RNF43: variants seen among roughly 807,000 people sequenced by gnomAD.
RNF43 encodes ring finger protein 43, also known as E3 ubiquitin-protein ligase RNF43.
A neutral mutation model predicts 78.4 loss-of-function variants in RNF43; 37 were observed. That is an observed-to-expected ratio of 0.47 (90% confidence interval 0.36 to 0.62). The LOEUF (loss-of-function observed/expected upper bound fraction) is 0.62. Ranked by LOEUF, RNF43 falls within the 20% of genes least tolerant of loss-of-function variation. RNF43 has a pLI of 0.00. For missense variants in RNF43, 774 were observed against 1,007.9 expected (o/e 0.77, Z 3.14); for synonymous variants, 347 against 395.0 (o/e 0.88, Z 1.44).
At chr17:58,374,402 T>A (rs1391860987) in intron 2 of RNF43, among the ~76,000 whole-genome samples, 1 of 151,428 alleles carries the variant, frequency 6.6e-6, no homozygotes, top group African/African-American at 2.4e-5. Context: ...TTCTTTTTTT[T>A]TTTTTTTTGA....
Position 58,358,351 on chromosome 17 carries a change from G to A in RNF43, c.1425C>T (p.Ser475=), listed in dbSNP as rs2143412663. 6.2e-7 allele frequency: 1 copy of A among 1,614,164 alleles called. No individual in the cohort carries two copies. Among genetic ancestry groups the A allele is most frequent in the Non-Finnish European group, 8.5e-7 (1 of 1,180,024 alleles). Residue 475 remains serine, a synonymous_variant, in exon 9 of 10, where the codon TCC becomes TCT. Transcript: ENST00000407977. This position sits in a 1 kb window ranked among gnomAD's most constrained non-coding sequence, Gnocchi z 6.2. ...CCGTGCAGTTGACCACAGAGTCACT[G>A]GAAGAGCCATGACAGGGCCCTGAGC... ...DSSSGPCHGS[S]SDSVVNCTDI...
chr17:58,366,598 C>T (rs1735913391), intron 3 of RNF43, among the ~76,000 whole-genome samples: 1 of 152,168 alleles, frequency 6.6e-6, no homozygotes, highest in South Asian at 2.1e-4. Flanking sequence ...GCCCAGATTG[C>T]CTAGGGGTGA....
rs550613261 is a variant in RNF43 at position 58,415,205 on chromosome 17, C to CT, written c.252+120dup. 207 of 1,036,716 alleles carry CT rather than the reference C, an allele frequency of 2.0e-4. No homozygotes were observed. In the African/African-American group the frequency reaches 2.9e-3, roughly 15 times the overall value. 64.2% of individuals were successfully genotyped at this position (1,036,716 alleles called of 1,614,324 possible). ...GAATGCCAATAAGGCAGTATCTACT[C>CT]TTTCTATGAAATAGAAAGCTAAGCA... On this transcript the variant is annotated intron_variant, in intron 2 of 9. Coordinates refer to ENST00000407977, the MANE Select transcript of RNF43 (RefSeq NM_017763.6).
intron 2 of RNF43, among the ~76,000 whole-genome samples, chr17:58,379,499 C>T (rs1262099010): frequency 6.6e-6 from 1 of 152,190 alleles, no homozygotes; most frequent in Non-Finnish European, 1.5e-5. Context: ...GTCATTCAGC[C>T]AGACTGCCAT....
Position 58,355,000 on chromosome 17 carries a change from G to T in RNF43, c.2309-14C>A. 6.2e-7 allele frequency: 1 copy of T among 1,613,378 alleles called. No homozygotes were observed. Among genetic ancestry groups the T allele is most frequent in the South Asian group, 1.1e-5 (1 of 91,050 alleles). ...CCTCCTCTGAGCCTGTATTTAGAGAGCGGGGAGGAAAGAGGTCATTGAGGG... is the reference window on the plus strand; with the variant it reads ...CCTCCTCTGAGCCTGTATTTAGAGATCGGGGAGGAAAGAGGTCATTGAGGG... On this transcript the variant is annotated splice_polypyrimidine_tract_variant and intron_variant, in intron 9 of 9. Coordinates refer to ENST00000407977, the MANE Select transcript of RNF43 (RefSeq NM_017763.6).
At chr17:58,375,891 C>G (rs985152973) in intron 2 of RNF43, among the ~76,000 whole-genome samples, 1 of 152,186 alleles carries the variant, frequency 6.6e-6, no homozygotes, top group Non-Finnish European at 1.5e-5. Flanking sequence ...TTGCCAAAAG[C>G]AAATGTTGTT....
intron 2 of RNF43, among the ~76,000 whole-genome samples, chr17:58,394,168 A>G (rs1256131785): frequency 6.6e-6 from 1 of 152,242 alleles, no homozygotes; most frequent in African/African-American, 2.4e-5. Context: ...ACAAGAGTTC[A>G]GTTTGATTTT....
chr17:58,384,840 T>G (rs1473340020), intron 2 of RNF43, among the ~76,000 whole-genome samples: 1 of 152,226 alleles, frequency 6.6e-6, no homozygotes, highest in Non-Finnish European at 1.5e-5. Context: ...AGAGCTCTCA[T>G]TAGCTTAAAT....
intron 2 of RNF43, among the ~76,000 whole-genome samples, chr17:58,400,020 C>G (rs1973762399): frequency 6.6e-6 from 1 of 152,054 alleles, no homozygotes. Flanking sequence ...TTCTAGGATC[C>G]CTCAGACTCT....
intron 2 of RNF43, among the ~76,000 whole-genome samples, chr17:58,371,748 G>A (rs535492702): frequency 3.9e-5 from 6 of 152,318 alleles, no homozygotes; most frequent in African/African-American, 1.4e-4. Flanking sequence ...TGGAGGTGGA[G>A]CCAGCCCAGC....
intron 2 of RNF43, among the ~76,000 whole-genome samples, chr17:58,378,720 TC>T (rs1352744293): frequency 6.6e-6 from 1 of 152,150 alleles, no homozygotes; most frequent in Non-Finnish European, 1.5e-5. Flanking sequence ...CTCACTTGAT[TC>T]AGGAAACCTC....
chr17:58,362,558 G>T lies in RNF43; in HGVS notation c.673C>A (p.Arg225Ser), dbSNP rs765548407. The change falls in exon 6 of 10, where the codon CGC (arginine) becomes AGC (serine). Residue 225 changes from arginine (R) to serine (S), a missense_variant. Arg to Ser is a moderately radical substitution (Grantham distance 110, BLOSUM62 -1). Coordinates refer to ENST00000407977, the MANE Select transcript of RNF43 (RefSeq NM_017763.6). ...ASVLRIRCRP[R>S]HSRPDPLQQR... ...ACACTGCTCACCGGCCTGCTGTGGCGGGGGCGGCACCGGATGCGCAGCACC... is the reference window on the plus strand; with the variant it reads ...ACACTGCTCACCGGCCTGCTGTGGCTGGGGCGGCACCGGATGCGCAGCACC... The T allele has an allele frequency of 6.2e-7, 1 of 1,605,678 alleles. No individual in the cohort carries two copies. Among genetic ancestry groups the T allele is most frequent in the Non-Finnish European group, 8.5e-7 (1 of 1,175,494 alleles).
chr17:58,405,038 T>C (rs1048395369), intron 2 of RNF43, among the ~76,000 whole-genome samples: 1 of 150,224 alleles, frequency 6.7e-6, no homozygotes, highest in African/African-American at 2.4e-5. Flanking sequence ...ACAGTAAAAA[T>C]TTAGAAGGTA....
In RNF43 at chr17:58,357,928, G is replaced by A. The variant is rs771198512; in HGVS notation, c.1848C>T (p.Pro616=). 4 of 1,613,336 alleles carry A rather than the reference G, an allele frequency of 2.5e-6. No individual in the cohort carries two copies. The South Asian group carries it at 4.4e-5, about 18-fold the overall frequency. ...PSGRLSNPQC[P]RALPEPAPGP... ...CAGGGGCTGGCTCAGGGAGGGCCCT[G>A]GGGCACTGTGGGTTAGAGAGCCGCC... The change falls in exon 9 of 10, where the codon CCC becomes CCT. Residue 616 remains proline (P), a synonymous_variant. Transcript: ENST00000407977. This position sits in a 1 kb window ranked among gnomAD's most constrained non-coding sequence, Gnocchi z 4.5.
At chr17:58,404,602 A>G (rs1567895798) in intron 2 of RNF43, among the ~76,000 whole-genome samples, 1 of 152,216 alleles carries the variant, frequency 6.6e-6, no homozygotes, top group Non-Finnish European at 1.5e-5. Flanking sequence ...TATATGCCTC[A>G]TATCATACTA....
intron 2 of RNF43, among the ~76,000 whole-genome samples, chr17:58,406,992 C>T (rs1448748818): frequency 6.7e-6 from 1 of 148,764 alleles, no homozygotes; most frequent in Non-Finnish European, 1.5e-5. Context: ...ACAGGGTATT[C>T]TAGATTTAAA....
chr17:58,371,082 T>A (rs1489493838), intron 2 of RNF43, 49 bp from the exon 3 acceptor site: 4 of 1,508,626 alleles, frequency 2.7e-6, no homozygotes, highest in Non-Finnish European at 3.6e-6. Flanking sequence ...GCAGCAGGAG[T>A]GAGCTGTGAG....
At chr17:58,398,206 G>A (rs1973724423) in intron 2 of RNF43, among the ~76,000 whole-genome samples, 1 of 152,132 alleles carries the variant, frequency 6.6e-6, no homozygotes, top group South Asian at 2.1e-4. Flanking sequence ...CTGTACTGTT[G>A]AAATCCTTTC....
In RNF43 at chr17:58,357,104, G is replaced by A. The variant is rs1394863173; in HGVS notation, c.2308+364C>T. ...AGATAGGGTTTCACCATGTTGGCCA[G>A]GTTGGTCTTGAACTCCTGGCCTCAA... On this transcript the variant is annotated intron_variant, in intron 9 of 9. Coordinates refer to ENST00000407977, the MANE Select transcript of RNF43 (RefSeq NM_017763.6). The surrounding 1 kb of genome is among the most constrained non-coding windows in gnomAD (Gnocchi z 4.5). The A allele has an allele frequency of 4.6e-6, 3 of 655,018 alleles. No homozygotes were observed. Among genetic ancestry groups the A allele is most frequent in the East Asian group, 2.7e-5 (1 of 36,758 alleles). The allele number at this position is 655,018 out of a possible 1,614,324, so 40.6% of individuals were successfully genotyped here. A position where few individuals can be genotyped will look rare whatever the true frequency, so the allele number is the denominator to read the frequency against.
Sources: gnomAD v4.1 joint callset for allele counts (sites outside exome capture counted in the v4.1 genomes callset) on GRCh38, gnomAD v4.1.1 for gene constraint, Gnocchi (gnomAD v3.1) non-coding constraint, MANE v1.5 for transcripts, NCBI Gene and HGNC (gene_info 2026-07-23, HGNC 2026-07-21) for gene names.